GRIK4: variants seen among roughly 807,000 people sequenced by gnomAD.
GRIK4 encodes the protein glutamate ionotropic receptor kainate type subunit 4.
GRIK4 carries 40 observed loss-of-function variants against 104.9 expected under a neutral mutation model. The observed-to-expected ratio is 0.38, with a 90% CI of 0.30 to 0.50. The LOEUF is 0.50. Ranked by LOEUF, GRIK4 falls within the 20% of genes least tolerant of loss-of-function variation. GRIK4 has a pLI of 0.93. For synonymous variants in GRIK4, 485 were observed against 524.9 expected, an observed-to-expected ratio of 0.92 and a Z score of 1.04; for missense variants, 1,047 against 1,308.1, an observed-to-expected ratio of 0.80 and a Z score of 3.08.
intron 8 of GRIK4, among the ~76,000 whole-genome samples, chr11:120,856,922 G>A (rs1328035749): frequency 6.6e-6 from 1 of 152,088 alleles, no homozygotes; most frequent in Non-Finnish European, 1.5e-5. Context: ...AGCTGAACAT[G>A]TCCCCGGGGC....
Position 120,903,168 on chromosome 11 carries a change from C to A in GRIK4, c.1273-2122C>A, listed in dbSNP as rs1193531234. Among the ~76,000 whole-genome samples, 1 of 152,146 alleles carries A rather than the reference C, an allele frequency of 6.6e-6. No individual in the cohort carries two copies. Among genetic ancestry groups the A allele is most frequent in the Non-Finnish European group, 1.5e-5 (1 of 68,016 alleles). ...TGATGTGCAGGTTTCTCCATGCACA[C>A]CTGTACCCAAGCCCGATTGTCCCTG... On this transcript the variant is annotated intron_variant, in intron 12 of 20. Coordinates refer to ENST00000527524, the MANE Select transcript of GRIK4 (RefSeq NM_014619.5). The surrounding 1 kb of genome is among the most constrained non-coding windows in gnomAD (Gnocchi z 4.4).
At chr11:120,872,011 C>T (rs1484695007) in intron 9 of GRIK4, 1 of 431,214 alleles carries the variant, frequency 2.3e-6, no homozygotes, top group Non-Finnish European at 4.7e-6. Flanking sequence ...AGCCCATCCA[C>T]CCTGCCTGTA....
intron 7 of GRIK4, among the ~76,000 whole-genome samples, chr11:120,834,187 C>T (rs1393525162): frequency 2.6e-5 from 4 of 152,134 alleles, no homozygotes; most frequent in Non-Finnish European, 5.9e-5. Flanking sequence ...TAACAGTTTA[C>T]ACTTTCGCCA....
At chr11:120,767,892 G>T (rs1051823092) in intron 3 of GRIK4, among the ~76,000 whole-genome samples, 2 of 151,998 alleles carry the variant, frequency 1.3e-5, no homozygotes, top group Admixed American at 1.3e-4. Context: ...CTCCATTCTG[G>T]TTCCATTGGT....
chr11:120,696,875 C>G (rs1354203068), intron 3 of GRIK4, among the ~76,000 whole-genome samples: 1 of 152,208 alleles, frequency 6.6e-6, no homozygotes, highest in Non-Finnish European at 1.5e-5. Context: ...GAGCCCAGAA[C>G]AGGTCCAGCC....
chr11:120,879,422 AG>A (rs1160348510), intron 11 of GRIK4, among the ~76,000 whole-genome samples: 1 of 152,252 alleles, frequency 6.6e-6, no homozygotes, highest in African/African-American at 2.4e-5. Flanking sequence ...TTGATTGTTT[AG>A]AAAGCCCCAC....
At chr11:120,563,210 A>T (rs1188959079) in intron 1 of GRIK4, among the ~76,000 whole-genome samples, 3 of 152,012 alleles carry the variant, frequency 2.0e-5, no homozygotes, top group African/African-American at 4.8e-5. Flanking sequence ...TCCATGTGGG[A>T]TAGGGATTGC....
intron 3 of GRIK4, among the ~76,000 whole-genome samples, chr11:120,801,409 T>C (rs1952619180): frequency 6.6e-6 from 1 of 152,148 alleles, no homozygotes; most frequent in East Asian, 1.9e-4. Flanking sequence ...GTGTTTTTAT[T>C]AGAGACAGGG....
intron 13 of GRIK4, among the ~76,000 whole-genome samples, chr11:120,922,562 G>C (rs531054367): frequency 2.0e-5 from 3 of 152,278 alleles, no homozygotes; most frequent in South Asian, 4.2e-4. Context: ...TGGTGTGTTC[G>C]ATGTGCGTAC....
rs368772907 is a variant in GRIK4 at position 120,747,400 on chromosome 11, C to G, written c.83-55293C>G. 8.4e-4 allele frequency among the ~76,000 whole-genome samples: 128 copies of G among 152,306 alleles called. No individual in the cohort carries two copies. The Middle Eastern group carries it at 0.017, about 20-fold the overall frequency. On this transcript the variant is annotated intron_variant, in intron 3 of 20. Coordinates refer to ENST00000527524, the MANE Select transcript of GRIK4 (RefSeq NM_014619.5). ...CTTGACTTGCCCCAGTCTCCTCCCCCGCTAGGGTGTGTGACAAACCGAGTC... is the reference window on the plus strand; with the variant it reads ...CTTGACTTGCCCCAGTCTCCTCCCCGGCTAGGGTGTGTGACAAACCGAGTC...
At chr11:120,899,767 G>A (rs1477440164) in intron 12 of GRIK4, among the ~76,000 whole-genome samples, 1 of 152,122 alleles carries the variant, frequency 6.6e-6, no homozygotes, top group Non-Finnish European at 1.5e-5. Flanking sequence ...CTAATCTAAA[G>A]CACTTTTCCC....
At chr11:120,671,241 A>G (rs1950012315) in intron 3 of GRIK4, among the ~76,000 whole-genome samples, 1 of 152,138 alleles carries the variant, frequency 6.6e-6, no homozygotes, top group Non-Finnish European at 1.5e-5. Context: ...CTGGGTCAAA[A>G]GGTATTTCTA....
At chr11:120,585,177 T>C (rs1484722819) in intron 1 of GRIK4, among the ~76,000 whole-genome samples, 1 of 152,208 alleles carries the variant, frequency 6.6e-6, no homozygotes, top group African/African-American at 2.4e-5. Context: ...TGTATGTTTA[T>C]ACCCCACTTT....
At position 120,982,431 on chromosome 11, in the gene GRIK4, A is replaced by G. The variant is rs1018980408; in HGVS notation, c.2514+207A>G. 9.2e-5 allele frequency among the ~76,000 whole-genome samples: 14 copies of G among 152,360 alleles called. No individual in the cohort carries two copies. The East Asian group carries it at 2.7e-3, about 29-fold the overall frequency. ...GCCTTCTAGAACTATCATTTAAGATATAGTTGAGAAAAATAGGTGAAAGTA... is the reference window on the plus strand; with the variant it reads ...GCCTTCTAGAACTATCATTTAAGATGTAGTTGAGAAAAATAGGTGAAAGTA... On this transcript the variant is annotated intron_variant, in intron 20 of 20. Coordinates refer to ENST00000527524, the MANE Select transcript of GRIK4 (RefSeq NM_014619.5).
chr11:120,687,327 C>T (rs1053427353), intron 3 of GRIK4, among the ~76,000 whole-genome samples: 2 of 152,168 alleles, frequency 1.3e-5, no homozygotes, highest in African/African-American at 2.4e-5. Flanking sequence ...CTTTAATGAA[C>T]CTCCAGCGCT....
chr11:120,820,118 TAAGAGAGAAAGAGAAA>T (rs920615707), intron 6 of GRIK4, among the ~76,000 whole-genome samples, 198 bp downstream of exon 6: 1 of 143,838 alleles, frequency 7.0e-6, no homozygotes. Flanking sequence ...TGTGTGTGTT[TAAGAGAGAAAGAGAAA>T]AAGAGAGAAA....
At chr11:120,865,708 A>G (rs1592005129) in intron 9 of GRIK4, among the ~76,000 whole-genome samples, 2 of 142,118 alleles carry the variant, frequency 1.4e-5, no homozygotes, top group Admixed American at 1.3e-4. Context: ...CTTTTAGAGG[A>G]AAAAAAATGC....
At chr11:120,672,609 C>A (rs191702548) in intron 3 of GRIK4, among the ~76,000 whole-genome samples, 8 of 152,138 alleles carry the variant, frequency 5.3e-5, no homozygotes, top group African/African-American at 1.9e-4. Flanking sequence ...TTTCCTTGAG[C>A]AGCAGTTTGT....
At chr11:120,827,866 C>G (rs1953308896) in intron 6 of GRIK4, among the ~76,000 whole-genome samples, 1 of 152,210 alleles carries the variant, frequency 6.6e-6, no homozygotes, top group Non-Finnish European at 1.5e-5. Context: ...GGGGAACTCA[C>G]TACCTCATGG....
Sources: allele counts gnomAD v4.1 joint callset (sites outside exome capture counted in the v4.1 genomes callset), GRCh38; gene constraint gnomAD v4.1.1; non-coding constraint Gnocchi (gnomAD v3.1); transcripts MANE v1.5; gene names NCBI Gene and HGNC (gene_info 2026-07-23, HGNC 2026-07-21).